Variants in STAG1 observed in about 807,000 individuals in gnomAD.
STAG1 encodes STAG1 cohesin complex component, also known as cohesin subunit SA-1.
STAG1 carries 26 observed loss-of-function variants against 170.9 expected under a neutral mutation model. The ratio of observed to expected loss-of-function variants is 0.15; its 90% CI spans 0.11 to 0.21. STAG1 has a LOEUF of 0.21. Ranked by LOEUF, STAG1 falls within the 10% of genes least tolerant of loss-of-function variation. STAG1 has a pLI of 1.00. For synonymous variants in STAG1, 514 were observed against 497.7 expected (o/e 1.03, Z -0.44); for missense variants, 964 against 1,509.5 (o/e 0.64, Z 5.99).
intron 5 of STAG1, among the ~76,000 whole-genome samples, chr3:136,549,658 GT>G (rs34179977): frequency 0.61 from 87,913 of 144,518 alleles, 27,089 homozygotes; most frequent in East Asian, 0.96. Context: ...CACTTCTTCC[GT>G]TTTTTTTTTT....
In STAG1 at chr3:136,472,404, A is replaced by C. The variant is rs2089649405; in HGVS notation, c.1205+9T>G. ...CAATAAAGTTAAAATAGTAATGGAT[A>C]TTACTTACTGAAGTATCAGAGTAAC... On this transcript the variant is annotated intron_variant, in intron 12 of 33. Transcript: ENST00000383202. The C allele has an allele frequency of 6.3e-7, 1 of 1,596,040 alleles. No individual in the cohort carries two copies. Among genetic ancestry groups the C allele is most frequent in the African/African-American group, 1.3e-5 (1 of 74,482 alleles).
At chr3:136,341,610 C>A in intron 30 of STAG1, 59 bp from the exon 31 acceptor site, 1 of 1,171,768 alleles carries the variant, frequency 8.5e-7, no homozygotes, top group Non-Finnish European at 1.3e-6. Context: ...AGCTAATGAG[C>A]CCCAAGCTAA....
At chr3:136,451,868 C>T (rs1032434297) in intron 14 of STAG1, among the ~76,000 whole-genome samples, 165 bp downstream of exon 14, 10 of 151,888 alleles carry the variant, frequency 6.6e-5, no homozygotes, top group Admixed American at 5.9e-4. Flanking sequence ...ATTCAGAACA[C>T]CTTTCCACAA....
chr3:136,433,342 G>A (rs1037714347), intron 16 of STAG1, among the ~76,000 whole-genome samples: 1 of 151,960 alleles, frequency 6.6e-6, no homozygotes, highest in African/African-American at 2.4e-5. Flanking sequence ...TACAATAACA[G>A]AAGCAGGTAC....
intron 1 of STAG1, among the ~76,000 whole-genome samples, chr3:136,646,463 G>A (rs948022720): frequency 4.6e-5 from 7 of 152,148 alleles, no homozygotes; most frequent in Non-Finnish European, 7.4e-5. Flanking sequence ...ATGAATTATC[G>A]GTTCAACTTT....
At chr3:136,585,514 G>T (rs1313915599) in intron 4 of STAG1, among the ~76,000 whole-genome samples, 1 of 151,936 alleles carries the variant, frequency 6.6e-6, no homozygotes, top group Non-Finnish European at 1.5e-5. Context: ...TAAGGAGGTT[G>T]AGACAGGAGA....
intron 21 of STAG1, among the ~76,000 whole-genome samples, chr3:136,414,299 C>T (rs955849875): frequency 1.9e-4 from 29 of 152,210 alleles, no homozygotes; most frequent in African/African-American, 7.0e-4. Flanking sequence ...CCACCCTTGT[C>T]ACTGCTTTAT....
chr3:136,558,513 A>G (rs1316754149), intron 5 of STAG1, among the ~76,000 whole-genome samples: 1 of 152,252 alleles, frequency 6.6e-6, no homozygotes, highest in Non-Finnish European at 1.5e-5. Flanking sequence ...GTTAACTGTT[A>G]TGTGAAAAAG....
In STAG1 at chr3:136,336,381, T is replaced by G. The variant is rs1266716236; in HGVS notation, c.*1873A>C. On this transcript the variant is annotated 3_prime_UTR_variant, in exon 34 of 34. Transcript: ENST00000383202. ...GACACCGAAAATACAAAAATTTGAT[T>G]GACTTCAAACTGAACTGGAAACCCA... The G allele has an allele frequency of 2.0e-5, 3 of 152,234 alleles. No individual in the cohort carries two copies. The highest frequency in any genetic ancestry group is 7.2e-5 in the African/African-American group (3 of 41,472). The allele number at this position is 152,234 out of a possible 1,614,324, so 9.4% of individuals were successfully genotyped here. A position where few individuals can be genotyped will look rare whatever the true frequency, so the allele number is the denominator to read the frequency against.
chr3:136,648,366 T>C (rs559284600), intron 1 of STAG1, among the ~76,000 whole-genome samples: 2 of 152,216 alleles, frequency 1.3e-5, no homozygotes, highest in Non-Finnish European at 2.9e-5. Context: ...TGATGTACCC[T>C]TTAGTTATGT....
intron 21 of STAG1, among the ~76,000 whole-genome samples, chr3:136,405,823 G>GAAAAAAAAAAAAAAAAAAAAA (rs2087467623): frequency 5.1e-5 from 4 of 78,042 alleles, no homozygotes; most frequent in African/African-American, 9.8e-5. Context: ...AAAAAAAAAG[G>GAAAAAAAAAAAAAAAAAAAAA]AAAAATGTTA....
rs187402809 is a variant in STAG1 at position 136,498,231 on chromosome 3, T to C, written c.902+1992A>G. Reference sequence around the variant, plus strand: ...AAAATTATATATATATATATATATATATACACATACATATACATACACACA... The same window carrying C: ...AAAATTATATATATATATATATATACATACACATACATATACATACACACA... On this transcript the variant is annotated intron_variant, in intron 9 of 33. Transcript: ENST00000383202. Among the ~76,000 whole-genome samples the C allele has an allele frequency of 3.9e-3, 223 of 57,840 alleles. 20 individuals are homozygous for C. Among genetic ancestry groups the C allele is most frequent in the African/African-American group, 9.2e-3 (98 of 10,702 alleles). The allele number at this position is 57,840 out of a possible 152,430, so 37.9% of individuals were successfully genotyped here.
intron 3 of STAG1, among the ~76,000 whole-genome samples, chr3:136,606,577 C>T (rs532915506): frequency 3.5e-4 from 53 of 152,266 alleles, no homozygotes; most frequent in African/African-American, 1.2e-3. Context: ...TCTTCCTAAG[C>T]TCCTTTTGGC....
chr3:136,599,688 C>T (rs1938582682), intron 4 of STAG1, among the ~76,000 whole-genome samples: 2 of 152,004 alleles, frequency 1.3e-5, no homozygotes, highest in African/African-American at 4.8e-5. Context: ...TACATTCTAA[C>T]TGAGTCCAAT....
At chr3:136,652,266 C>A (rs1408555056) in intron 1 of STAG1, among the ~76,000 whole-genome samples, 1 of 152,166 alleles carries the variant, frequency 6.6e-6, no homozygotes, top group Non-Finnish European at 1.5e-5. Context: ...GGAAAAAGGG[C>A]TAACGCACTT....
At chr3:136,699,364 T>A (rs949846931) in intron 1 of STAG1, among the ~76,000 whole-genome samples, 8 of 152,112 alleles carry the variant, frequency 5.3e-5, no homozygotes, top group Admixed American at 4.6e-4. Flanking sequence ...ATTATTACTA[T>A]CTCTAGAATT....
At chr3:136,700,904 T>G (rs1444474385) in intron 1 of STAG1, among the ~76,000 whole-genome samples, 1 of 124,560 alleles carries the variant, frequency 8.0e-6, no homozygotes, top group African/African-American at 3.2e-5. Context: ...TTTTTTGAGA[T>G]GGAGTCTCAC....
At position 136,479,623 on chromosome 3, in the gene STAG1, T is replaced by A. The variant is rs979729578; in HGVS notation, c.903-2211A>T. ...CGGGATGGCTGGGTCAAATGGTATTTCTAGTTCTAGATCCCTGAGGAATCG... is the reference window on the plus strand; with the variant it reads ...CGGGATGGCTGGGTCAAATGGTATTACTAGTTCTAGATCCCTGAGGAATCG... On this transcript the variant is annotated intron_variant, in intron 9 of 33. Coordinates refer to ENST00000383202, the MANE Select transcript of STAG1 (RefSeq NM_005862.3). Among the ~76,000 whole-genome samples, 14 of 57,784 alleles carry A rather than the reference T, an allele frequency of 2.4e-4. 6 individuals are homozygous for A. The highest frequency in any genetic ancestry group is 7.7e-4 in the African/African-American group (14 of 18,204). The allele number at this position is 57,784 out of a possible 152,430, so 37.9% of individuals were successfully genotyped here. A position where few individuals can be genotyped will look rare whatever the true frequency, so the allele number is the denominator to read the frequency against.
intron 1 of STAG1, among the ~76,000 whole-genome samples, chr3:136,695,568 G>T (rs1297456025): frequency 1.3e-5 from 2 of 151,588 alleles, no homozygotes; most frequent in African/African-American, 2.4e-5. Flanking sequence ...TAGGTGACTT[G>T]GTTTAACATC....
Sources: gnomAD v4.1 joint callset for allele counts (sites outside exome capture counted in the v4.1 genomes callset) on GRCh38, gnomAD v4.1.1 for gene constraint, MANE v1.5 for transcripts, NCBI Gene and HGNC (gene_info 2026-07-23, HGNC 2026-07-21) for gene names.